MACROH2A1: variants seen among roughly 807,000 people sequenced by gnomAD.
MACROH2A1 encodes the protein macroH2A.1 histone, also known as core histone macro-H2A.1.
A neutral mutation model predicts 31.6 loss-of-function variants in MACROH2A1; 2 were observed. The observed-to-expected ratio is 0.06, with a 90% confidence interval of 0.03 to 0.20. MACROH2A1 has a LOEUF of 0.20. Ranked by LOEUF, MACROH2A1 falls within the 10% of genes least tolerant of loss-of-function variation. MACROH2A1 has a pLI of 1.00. For synonymous variants in MACROH2A1, 169 were observed against 189.6 expected (o/e 0.89, Z 0.89); for missense variants, 230 against 474.0 (o/e 0.49, Z 4.78).
chr5:135,341,156 A>C (rs1392407759), intron 8 of MACROH2A1, among the ~76,000 whole-genome samples: 1 of 152,242 alleles, frequency 6.6e-6, no homozygotes, highest in Non-Finnish European at 1.5e-5. Flanking sequence ...AGTGCATTGA[A>C]AGCACTAATT....
intron 2 of MACROH2A1, among the ~76,000 whole-genome samples, chr5:135,377,324 T>C (rs1398922797): frequency 6.6e-6 from 1 of 152,192 alleles, no homozygotes; most frequent in Non-Finnish European, 1.5e-5. Flanking sequence ...TACAAGGAAA[T>C]GGTTAATATG....
chr5:135,389,673 G>T (rs186930546), intron 1 of MACROH2A1, among the ~76,000 whole-genome samples: 1 of 152,102 alleles, frequency 6.6e-6, no homozygotes, highest in Non-Finnish European at 1.5e-5. Flanking sequence ...CCACCAGATG[G>T]GCCAATCTTT....
At chr5:135,342,043 C>T (rs1027167828) in intron 8 of MACROH2A1, among the ~76,000 whole-genome samples, 3 of 152,200 alleles carry the variant, frequency 2.0e-5, no homozygotes, top group African/African-American at 4.8e-5. Context: ...TCCTCTTGGG[C>T]GCAAGTTGTT....
At chr5:135,375,750 C>T (rs952405150) in intron 2 of MACROH2A1, among the ~76,000 whole-genome samples, 13 of 152,214 alleles carry the variant, frequency 8.5e-5, no homozygotes, top group African/African-American at 3.1e-4. Flanking sequence ...TCACGTAATC[C>T]CAAGGAGAAA....
chr5:135,397,775 G>C (rs933686011), intron 1 of MACROH2A1, among the ~76,000 whole-genome samples: 3 of 152,188 alleles, frequency 2.0e-5, no homozygotes, highest in Non-Finnish European at 4.4e-5. Flanking sequence ...TCTGACAACA[G>C]GCTAGTAGCC....
chr5:135,389,901 C>G (rs1443526352), intron 1 of MACROH2A1, among the ~76,000 whole-genome samples: 1 of 152,202 alleles, frequency 6.6e-6, no homozygotes, highest in Non-Finnish European at 1.5e-5. Context: ...CACCCTCTAC[C>G]CCATGGGTGG....
chr5:135,364,011 T>C (rs1763175989), intron 4 of MACROH2A1, among the ~76,000 whole-genome samples: 1 of 152,202 alleles, frequency 6.6e-6, no homozygotes, highest in Non-Finnish European at 1.5e-5. Flanking sequence ...GCCCACTTTT[T>C]GATGGGGTTG....
intron 8 of MACROH2A1, chr5:135,337,918 C>T (rs1759069077): frequency 9.1e-7 from 1 of 1,094,598 alleles, no homozygotes; most frequent in Non-Finnish European, 1.1e-6. Flanking sequence ...ACAAATCCAT[C>T]CCTCTGTCCT....
intron 8 of MACROH2A1, chr5:135,337,967 C>G: frequency 8.2e-7 from 1 of 1,214,912 alleles, no homozygotes; most frequent in East Asian, 7.0e-5. Flanking sequence ...TGCTATGGGA[C>G]TGTGGCTGCT....
At chr5:135,359,556 T>A in intron 5 of MACROH2A1, 1 of 983,782 alleles carries the variant, frequency 1.0e-6, no homozygotes, top group Non-Finnish European at 1.2e-6. Context: ...TGAGAGAGAG[T>A]GCAATTAGTG....
intron 8 of MACROH2A1, among the ~76,000 whole-genome samples, chr5:135,340,547 G>T (rs1265661452): frequency 6.6e-6 from 1 of 152,152 alleles, no homozygotes; most frequent in African/African-American, 2.4e-5. Flanking sequence ...CTGAGGACAG[G>T]ATGTCCAGAT....
chr5:135,379,778 T>G (rs1326904384), intron 2 of MACROH2A1, among the ~76,000 whole-genome samples: 1 of 152,226 alleles, frequency 6.6e-6, no homozygotes, highest in Non-Finnish European at 1.5e-5. Context: ...AAGCCCGTCC[T>G]GATGGTCATC....
At chr5:135,388,637 A>G (rs1448965500) in intron 2 of MACROH2A1, among the ~76,000 whole-genome samples, 1 of 152,212 alleles carries the variant, frequency 6.6e-6, no homozygotes, top group African/African-American at 2.4e-5. Context: ...CATTATTGGG[A>G]CAGCTGAGGA....
chr5:135,372,703 G>T (rs1581268256), intron 2 of MACROH2A1, among the ~76,000 whole-genome samples: 1 of 152,206 alleles, frequency 6.6e-6, no homozygotes, highest in Admixed American at 6.5e-5. Context: ...CCAAGAGGAT[G>T]CCAAACCAAG....
chr5:135,359,155 G>T, intron 5 of MACROH2A1: 4 of 983,816 alleles, frequency 4.1e-6, no homozygotes, highest in Non-Finnish European at 4.8e-6. Context: ...CTGGCAGGAG[G>T]TAACAAGAAC....
At chr5:135,337,914 C>G in intron 8 of MACROH2A1, 2 of 1,088,460 alleles carry the variant, frequency 1.8e-6, no homozygotes, top group Non-Finnish European at 2.3e-6. Context: ...GTTGACAAAT[C>G]CATCCCTCTG....
intron 1 of MACROH2A1, among the ~76,000 whole-genome samples, chr5:135,395,567 T>C (rs1334856476): frequency 1.3e-5 from 2 of 152,338 alleles, no homozygotes; most frequent in East Asian, 3.9e-4. Flanking sequence ...AACTTAATTC[T>C]GAAGGACAAG....
chr5:135,346,995 G>C (rs2149753431), intron 6 of MACROH2A1: 1 of 152,338 alleles, frequency 6.6e-6, no homozygotes, highest in Middle Eastern at 3.4e-3. Context: ...AATGGGGTCT[G>C]AGTCTTCCTT....
At chr5:135,397,176 G>A (rs187771004) in intron 1 of MACROH2A1, among the ~76,000 whole-genome samples, 3 of 152,040 alleles carry the variant, frequency 2.0e-5, no homozygotes, top group Non-Finnish European at 4.4e-5. Context: ...TCTCCTTTAG[G>A]TGACTTGGGG....
Sources: allele counts gnomAD v4.1 joint callset (sites outside exome capture counted in the v4.1 genomes callset), GRCh38; gene constraint gnomAD v4.1.1; transcripts MANE v1.5; gene names NCBI Gene and HGNC (gene_info 2026-07-23, HGNC 2026-07-21).